The following FER variants were observed in gnomAD, a reference collection of about 807,000 sequenced individuals.
FER encodes the protein FER tyrosine kinase, also known as tyrosine-protein kinase Fer.
In FER, 63 loss-of-function variants were observed where a neutral mutation model predicts 111.0. The ratio of observed to expected loss-of-function variants is 0.57; its 90% confidence interval spans 0.46 to 0.70. The LOEUF (loss-of-function observed/expected upper bound fraction) is 0.70. FER is among the 30% of genes least tolerant of loss of function. The probability of loss-of-function intolerance (pLI) is 0.00; values close to 1 mark genes in which losing one functional copy is unlikely to be tolerated. For missense variants in FER, 914 were observed against 954.0 expected, an observed-to-expected ratio of 0.96 and a Z score of 0.55; for synonymous variants, 327 against 313.9, an observed-to-expected ratio of 1.04 and a Z score of -0.44.
intron 2 of FER, among the ~76,000 whole-genome samples, chr5:108,776,368 A>G (rs963689497): frequency 7.2e-5 from 11 of 152,150 alleles, no homozygotes; most frequent in African/African-American, 2.7e-4. Flanking sequence ...TAAAAAATAA[A>G]TTGCCCCTAC....
intron 13 of FER, among the ~76,000 whole-genome samples, chr5:108,972,799 A>G (rs1033828010): frequency 6.6e-6 from 1 of 152,210 alleles, no homozygotes; most frequent in Non-Finnish European, 1.5e-5. Context: ...TAACGATTCC[A>G]GAGTTGGGCT....
At position 109,187,800 on chromosome 5, in the gene FER, C is replaced by A; in HGVS notation, c.*225C>A. ...CAAGGGCTTTCTTAGCTAACCATAG[C>A]AATCCTACCATTTCAGGCCATTGCA... On this transcript the variant is annotated 3_prime_UTR_variant, in exon 20 of 20. Coordinates refer to ENST00000281092, the MANE Select transcript of FER (RefSeq NM_005246.4). The A allele has an allele frequency of 1.8e-6, 1 of 543,588 alleles. No homozygotes were observed. Among genetic ancestry groups the A allele is most frequent in the Non-Finnish European group, 3.3e-6 (1 of 307,656 alleles). The allele number at this position is 543,588 out of a possible 1,614,324, so 33.7% of individuals were successfully genotyped here.
chr5:109,091,907 TTTA>T (rs1746812484), intron 16 of FER, among the ~76,000 whole-genome samples: 1 of 152,146 alleles, frequency 6.6e-6, no homozygotes, highest in African/African-American at 2.4e-5. Context: ...AAGAAATTTA[TTTA>T]TTAAGAAATA....
intron 13 of FER, among the ~76,000 whole-genome samples, chr5:108,988,370 T>C (rs1762807820): frequency 6.6e-6 from 1 of 152,160 alleles, no homozygotes; most frequent in Non-Finnish European, 1.5e-5. Flanking sequence ...TGGTACCAAT[T>C]CTTCTTTGAA....
Position 109,051,297 on chromosome 5 carries a change from C to G in FER, c.1924+4099C>G, listed in dbSNP as rs1312024509. The stretch of plus-strand genomic sequence containing the variant: ...TCCACAAGTGAGAGGAATCTTGATA[C>G]TTTCAAGCCTGTATCTAGATCTCCA... On this transcript the variant is annotated intron_variant, in intron 16 of 19. Transcript: ENST00000281092. 9 of 1,494,584 alleles carry G rather than the reference C, an allele frequency of 6.0e-6. No individual in the cohort carries two copies. The Admixed American group carries it at 1.3e-4, about 22-fold the overall frequency. 92.6% of individuals were successfully genotyped at this position (1,494,584 alleles called of 1,614,324 possible).
chr5:108,992,019 T>G (rs1383550322), intron 13 of FER, among the ~76,000 whole-genome samples: 1 of 152,142 alleles, frequency 6.6e-6, no homozygotes, highest in Non-Finnish European at 1.5e-5. Context: ...CAGAGGACCC[T>G]GCGGCCTTCC....
intron 13 of FER, among the ~76,000 whole-genome samples, chr5:108,964,675 T>A (rs1279930388): frequency 6.6e-6 from 1 of 152,194 alleles, no homozygotes; most frequent in Non-Finnish European, 1.5e-5. Context: ...TTTAAGAAAT[T>A]CACATCATTT....
At chr5:109,130,614 T>G (rs1180896729) in intron 17 of FER, among the ~76,000 whole-genome samples, 5 of 152,170 alleles carry the variant, frequency 3.3e-5, no homozygotes, top group Admixed American at 1.3e-4. Context: ...GTGTGAAATT[T>G]GTTAATGAGG....
intron 2 of FER, among the ~76,000 whole-genome samples, chr5:108,776,764 A>G (rs1479984322): frequency 6.6e-6 from 1 of 152,228 alleles, no homozygotes; most frequent in Non-Finnish European, 1.5e-5. Flanking sequence ...GGTGAATTGA[A>G]AACTCAACAT....
intron 16 of FER, among the ~76,000 whole-genome samples, chr5:109,068,792 G>T (rs979899000): frequency 6.6e-6 from 1 of 152,246 alleles, no homozygotes; most frequent in Non-Finnish European, 1.5e-5. Context: ...AACTCATTCT[G>T]AGTTCTTAGT....
At chr5:108,884,388 A>G (rs944880417) in intron 9 of FER, among the ~76,000 whole-genome samples, 2 of 151,994 alleles carry the variant, frequency 1.3e-5, no homozygotes, top group African/African-American at 4.8e-5. Context: ...AATTAGAAAC[A>G]TTGGATGACA....
chr5:109,101,960 T>C (rs1002402072), intron 17 of FER, among the ~76,000 whole-genome samples: 11 of 152,126 alleles, frequency 7.2e-5, no homozygotes, highest in Non-Finnish European at 1.3e-4. Context: ...TAAATACACA[T>C]TATTGAAACT....
intron 16 of FER, among the ~76,000 whole-genome samples, chr5:109,078,305 A>C (rs767517817): frequency 6.6e-6 from 1 of 152,216 alleles, no homozygotes; most frequent in Admixed American, 6.5e-5. Flanking sequence ...GTGGAGAATC[A>C]GGTAGTTTAT....
intron 16 of FER, among the ~76,000 whole-genome samples, chr5:109,084,509 A>T (rs1357923637): frequency 6.1e-5 from 3 of 49,112 alleles, no homozygotes; most frequent in African/African-American, 4.5e-4. Context: ...ATTAAAAATA[A>T]AAAAAAATTT....
At chr5:109,000,719 G>GT (rs1176403838) in intron 13 of FER, among the ~76,000 whole-genome samples, 9 of 152,086 alleles carry the variant, frequency 5.9e-5, no homozygotes, top group East Asian at 3.9e-4. Context: ...CCAGGAGCCG[G>GT]TTTTTTTAAA....
At chr5:109,115,538 GTTATC>G (rs566288234) in intron 17 of FER, among the ~76,000 whole-genome samples, 6 of 152,150 alleles carry the variant, frequency 3.9e-5, no homozygotes, top group South Asian at 4.2e-4. Context: ...TATAATAATT[GTTATC>G]TTATCCTCAA....
At chr5:108,827,391 A>G (rs1759577973) in intron 3 of FER, among the ~76,000 whole-genome samples, 1 of 152,176 alleles carries the variant, frequency 6.6e-6, no homozygotes, top group African/African-American at 2.4e-5. Flanking sequence ...CTATATCTTG[A>G]AGTGTCAGTC....
chr5:109,015,345 G>C (rs891846996), intron 13 of FER, among the ~76,000 whole-genome samples: 1 of 151,900 alleles, frequency 6.6e-6, no homozygotes, highest in Non-Finnish European at 1.5e-5. Flanking sequence ...TTTTAAAATT[G>C]ACTTTTAGAT....
chr5:109,100,619 T>C, intron 17 of FER, 100 bp downstream of exon 17: 1 of 1,188,056 alleles, frequency 8.4e-7, no homozygotes, highest in South Asian at 1.5e-5. Context: ...TCATGAAACA[T>C]GTCTTTTCTT....
Sources: gnomAD v4.1 joint callset for allele counts (sites outside exome capture counted in the v4.1 genomes callset) on GRCh38, gnomAD v4.1.1 for gene constraint, MANE v1.5 for transcripts, NCBI Gene and HGNC (gene_info 2026-07-23, HGNC 2026-07-21) for gene names.